Variants in GALM observed in about 807,000 individuals in gnomAD.
The protein encoded by GALM is aldose 1-epimerase.
A neutral mutation model predicts 37.4 loss-of-function variants in GALM; 43 were observed. The observed-to-expected ratio is 1.15, with a 90% CI of 0.90 to 1.48. The LOEUF (loss-of-function observed/expected upper bound fraction) is 1.48, where lower values mean the gene tolerates loss of function less well. Among genes scored for constraint, GALM ranks in the 40% most tolerant of loss-of-function variants. GALM has a pLI of 0.00. For synonymous variants in GALM, 199 were observed against 170.6 expected, an observed-to-expected ratio of 1.17 and a Z score of -1.30; for missense variants, 456 against 419.1, an observed-to-expected ratio of 1.09 and a Z score of -0.77.
At chr2:38,671,828 G>GA (rs1174631814) in intron 1 of GALM, among the ~76,000 whole-genome samples, 1 of 151,746 alleles carries the variant, frequency 6.6e-6, no homozygotes, top group Non-Finnish European at 1.5e-5. Flanking sequence ...TCTGTCTCTA[G>GA]AAAAAATACA....
chr2:38,726,976 G>A (rs548719778), intron 4 of GALM, among the ~76,000 whole-genome samples: 6 of 152,068 alleles, frequency 3.9e-5, no homozygotes, highest in African/African-American at 1.4e-4. Flanking sequence ...AGCACTTTGG[G>A]AGGCCAAGGT....
At chr2:38,702,417 A>G (rs969176123) in intron 4 of GALM, among the ~76,000 whole-genome samples, 7 of 152,106 alleles carry the variant, frequency 4.6e-5, no homozygotes, top group African/African-American at 1.7e-4. Context: ...ATCTCCGAGC[A>G]TGCCTCCCTC....
At chr2:38,698,094 C>T (rs992229843) in intron 4 of GALM, among the ~76,000 whole-genome samples, 9 of 152,022 alleles carry the variant, frequency 5.9e-5, no homozygotes, top group African/African-American at 1.9e-4. Context: ...CAGGTGCGCA[C>T]CACCACGGCC....
In GALM at chr2:38,689,877, A is replaced by C. The variant is rs1665630402; in HGVS notation, c.617A>C (p.Glu206Ala). Reference protein sequence around the residue: ...IEADTYLPVDETLIPTGEVAP... With the variant: ...IEADTYLPVDATLIPTGEVAP... ...GCGGATACTTATTTGCCTGTGGATG[A>C]AACCCTGATTCCTACAGGTTGGTGA... is the stretch of plus-strand genomic sequence containing the variant. The change falls in exon 4 of 7, where the codon GAA (glutamate) becomes GCA (alanine). Residue 206 changes from glutamate (E) to alanine (A), a missense_variant. By Grantham distance (107) the Glu-to-Ala change is moderately radical. Transcript: ENST00000272252. 1.2e-6 allele frequency: 2 copies of C among 1,606,952 alleles called. No individual in the cohort carries two copies. The highest frequency in any genetic ancestry group is 1.7e-6 in the Non-Finnish European group (2 of 1,173,982).
At chr2:38,682,678 C>G (rs1665424752) in intron 3 of GALM, among the ~76,000 whole-genome samples, 1 of 152,076 alleles carries the variant, frequency 6.6e-6, no homozygotes, top group Non-Finnish European at 1.5e-5. Flanking sequence ...GAGTGAATCA[C>G]CTGAGGTTAG....
intron 3 of GALM, among the ~76,000 whole-genome samples, chr2:38,688,279 A>AAGCG: frequency 6.6e-6 from 1 of 152,126 alleles, no homozygotes; most frequent in South Asian, 2.1e-4. Flanking sequence ...TGGGAGGCCG[A>AAGCG]GGTGAGCAGA....
chr2:38,732,691 C>T lies in GALM; in HGVS notation c.951+782C>T, dbSNP rs903734867. ...ATCCCAGCACTTTGGGAGGCTGAGG[C>T]GGGAGGATTGCTTGAGCCTGAGATT... On this transcript the variant is annotated intron_variant, in intron 6 of 6. Transcript: ENST00000272252. Among the ~76,000 whole-genome samples the T allele has an allele frequency of 5.9e-5, 9 of 151,904 alleles. 1 individual carries two copies. Among genetic ancestry groups the T allele is most frequent in the African/African-American group, 1.7e-4 (7 of 41,330 alleles).
intron 1 of GALM, among the ~76,000 whole-genome samples, chr2:38,670,315 C>A (rs1284534329): frequency 1.3e-5 from 2 of 152,136 alleles, no homozygotes; most frequent in East Asian, 3.8e-4. Context: ...CCCCAGTTGC[C>A]ACCAAAGACC....
intron 4 of GALM, among the ~76,000 whole-genome samples, chr2:38,704,939 C>T (rs1268485026): frequency 6.6e-6 from 1 of 152,052 alleles, no homozygotes; most frequent in Non-Finnish European, 1.5e-5. Flanking sequence ...TAGAATAACT[C>T]CTGAAGCTAC....
At chr2:38,727,045 G>T (rs538881686) in intron 4 of GALM, among the ~76,000 whole-genome samples, 1 of 151,546 alleles carries the variant, frequency 6.6e-6, no homozygotes, top group Admixed American at 6.6e-5. Context: ...TTGAAACCCC[G>T]TCTCTACAAA....
At chr2:38,702,409 C>G (rs1022123041) in intron 4 of GALM, among the ~76,000 whole-genome samples, 1 of 151,922 alleles carries the variant, frequency 6.6e-6, no homozygotes, top group Non-Finnish European at 1.5e-5. Context: ...CAAAAATGAT[C>G]TCCGAGCATG....
At chr2:38,720,629 TAGAC>T (rs2148454377) in intron 4 of GALM, among the ~76,000 whole-genome samples, 1 of 152,316 alleles carries the variant, frequency 6.6e-6, no homozygotes, top group Non-Finnish European at 1.5e-5. Context: ...GCGGGGAATT[TAGAC>T]AGGGCACATC....
chr2:38,680,097 C>A, intron 2 of GALM: 1 of 452,600 alleles, frequency 2.2e-6, no homozygotes. Flanking sequence ...CGGCTCACTG[C>A]AGCCTCAACC....
At chr2:38,705,248 A>T (rs1666013563) in intron 4 of GALM, among the ~76,000 whole-genome samples, 1 of 152,174 alleles carries the variant, frequency 6.6e-6, no homozygotes, top group South Asian at 2.1e-4. Context: ...TGGTCACTAC[A>T]TTCTGAAGGG....
In GALM at chr2:38,714,171, C is replaced by T. The variant is rs563677882; in HGVS notation, c.635-15385C>T. On this transcript the variant is annotated intron_variant, in intron 4 of 6. Transcript: ENST00000272252. ...CAGACATGTCTAAACACATATAGTA[C>T]ATGCATTATTAGCTCATTTAACTAC... 5.9e-5 allele frequency among the ~76,000 whole-genome samples: 9 copies of T among 152,158 alleles called. No individual in the cohort carries two copies. The South Asian group carries it at 1.9e-3, about 32-fold the overall frequency.
Position 38,733,863 on chromosome 2 carries a change from T to C in GALM, c.*298T>C. On this transcript the variant is annotated 3_prime_UTR_variant, in exon 7 of 7. Transcript: ENST00000272252. The stretch of plus-strand genomic sequence containing the variant: ...GACTCCCATGCTGCTGTTGGCTCCA[T>C]CTCTCCACACTGCCTCTTTCTTTTC... The C allele has an allele frequency of 2.5e-6, 1 of 399,200 alleles. No individual in the cohort carries two copies. Among genetic ancestry groups the C allele is most frequent in the South Asian group, 2.5e-5 (1 of 40,532 alleles). 24.7% of individuals were successfully genotyped at this position (399,200 alleles called of 1,614,324 possible). A position where few individuals can be genotyped will look rare whatever the true frequency, so the allele number is the denominator to read the frequency against.
At chr2:38,699,424 T>C (rs1226155081) in intron 4 of GALM, among the ~76,000 whole-genome samples, 1 of 152,232 alleles carries the variant, frequency 6.6e-6, no homozygotes, top group Non-Finnish European at 1.5e-5. Context: ...TTCTAGCTAT[T>C]TGAAAATATA....
At chr2:38,704,676 A>T (rs1262466798) in intron 4 of GALM, among the ~76,000 whole-genome samples, 1 of 141,468 alleles carries the variant, frequency 7.1e-6, no homozygotes, top group African/African-American at 2.6e-5. Context: ...TGTCTCCATT[A>T]AAAAAAAAAA....
intron 4 of GALM, among the ~76,000 whole-genome samples, chr2:38,723,798 C>G (rs1182225135): frequency 3.6e-4 from 11 of 30,140 alleles, no homozygotes; most frequent in Non-Finnish European, 5.2e-4. Flanking sequence ...CTCAAAAAAA[C>G]AAACAAAAAA....
Sources: gnomAD v4.1 joint callset for allele counts (sites outside exome capture counted in the v4.1 genomes callset) on GRCh38, gnomAD v4.1.1 for gene constraint, MANE v1.5 for transcripts, NCBI Gene and HGNC (gene_info 2026-07-23, HGNC 2026-07-21) for gene names.